STARD13: variants seen among roughly 807,000 people sequenced by gnomAD.
STARD13 encodes the protein StAR related lipid transfer domain containing 13.
A neutral mutation model predicts 106.4 loss-of-function variants in STARD13; 62 were observed. That is an observed-to-expected ratio of 0.58 (90% CI 0.48 to 0.72). The LOEUF (loss-of-function observed/expected upper bound fraction) is 0.72, where lower values mean the gene tolerates loss of function less well. Among genes scored for constraint, STARD13 ranks in the 30% least tolerant of loss-of-function variants. STARD13 has a pLI of 0.00. For synonymous variants in STARD13, 565 were observed against 553.0 expected (o/e 1.02, Z -0.31); for missense variants, 1,387 against 1,424.0 (o/e 0.97, Z 0.42).
chr13:33,200,117 G>A lies in STARD13; in HGVS notation c.170-32495C>T, dbSNP rs540051583. On this transcript the variant is annotated intron_variant, in intron 1 of 13. Transcript: ENST00000336934. ...AGTGCAGAATAAACAGGTCTTTGGG[G>A]AGGCCCCACAGAGGCTGAAGGTAAC... Among the ~76,000 whole-genome samples the A allele has an allele frequency of 1.8e-4, 27 of 152,352 alleles. 1 individual carries two copies. The highest frequency in any genetic ancestry group is 1.6e-3 in the Admixed American group (24 of 15,310).
the STARD13 span, among the ~76,000 whole-genome samples, chr13:33,442,456 A>G: frequency 6.6e-6 from 1 of 152,216 alleles, no homozygotes; most frequent in Admixed American, 6.5e-5. Flanking sequence ...TCCAGAGAGA[A>G]TATTTGACAA....
chr13:33,300,974 G>A (rs4943093), intron 1 of STARD13, among the ~76,000 whole-genome samples: 148,620 of 152,256 alleles, frequency 0.98, 72,637 homozygotes, highest in East Asian at 1. Flanking sequence ...ACTGCTCAAC[G>A]CTCATTTCCT....
At chr13:33,490,683 C>T in the STARD13 span, among the ~76,000 whole-genome samples, 1 of 152,200 alleles carries the variant, frequency 6.6e-6, no homozygotes, top group African/African-American at 2.4e-5. Flanking sequence ...TCAATAAAAC[C>T]TCACATTCAT....
the STARD13 span, among the ~76,000 whole-genome samples, chr13:33,569,880 C>T: frequency 6.8e-6 from 1 of 147,156 alleles, no homozygotes; most frequent in Admixed American, 7.1e-5. Context: ...CCAGCAAAGG[C>T]ATGAGAATGA....
At chr13:33,341,591 CAAAAA>C (rs543220774) in intron 1 of STARD13, among the ~76,000 whole-genome samples, 1 of 76,930 alleles carries the variant, frequency 1.3e-5, no homozygotes. Flanking sequence ...ACTCCGTCTC[CAAAAA>C]AAAAAAAAAA....
chr13:33,287,082 C>A (rs1463325843), upstream of STARD13, among the ~76,000 whole-genome samples: 11 of 152,114 alleles, frequency 7.2e-5, no homozygotes, highest in Admixed American at 7.2e-4. Flanking sequence ...AGTATATGAC[C>A]AAGTTGCTTC....
the STARD13 span, among the ~76,000 whole-genome samples, chr13:33,670,752 T>C: frequency 6.6e-6 from 1 of 152,288 alleles, no homozygotes; most frequent in Admixed American, 6.5e-5. Flanking sequence ...CTCCCCCGAG[T>C]TGCTTATAAG....
chr13:33,443,174 G>A, the STARD13 span, among the ~76,000 whole-genome samples: 1 of 151,828 alleles, frequency 6.6e-6, no homozygotes, highest in African/African-American at 2.4e-5. Flanking sequence ...GTCAGGAGAT[G>A]AGACCATCCT....
chr13:33,609,564 T>G, the STARD13 span, among the ~76,000 whole-genome samples: 2 of 151,212 alleles, frequency 1.3e-5, no homozygotes, highest in South Asian at 4.1e-4. Flanking sequence ...CTAATTTCTT[T>G]CTTTCTTTTT....
At chr13:33,465,522 T>A in the STARD13 span, among the ~76,000 whole-genome samples, 2 of 152,120 alleles carry the variant, frequency 1.3e-5, no homozygotes, top group African/African-American at 4.8e-5. Context: ...TCCGCTTTTG[T>A]ATTTCTATCA....
chr13:33,216,878 G>A (rs1888076117), intron 1 of STARD13, among the ~76,000 whole-genome samples: 1 of 152,284 alleles, frequency 6.6e-6, no homozygotes, highest in East Asian at 1.9e-4. Context: ...CCAACCTGGA[G>A]TTTCACTTCT....
the STARD13 span, among the ~76,000 whole-genome samples, chr13:33,516,293 T>C: frequency 6.6e-6 from 1 of 150,434 alleles, no homozygotes. Flanking sequence ...ATTTCATATA[T>C]AGTTGGAGTA....
chr13:33,627,053 T>G, the STARD13 span, among the ~76,000 whole-genome samples: 1 of 152,242 alleles, frequency 6.6e-6, no homozygotes, highest in Non-Finnish European at 1.5e-5. Flanking sequence ...ATTGTTCCCT[T>G]TATCATTTTC....
At chr13:33,272,457 G>A (rs1891211340) in intron 1 of STARD13, 1 of 152,094 alleles carries the variant, frequency 6.6e-6, no homozygotes, top group Non-Finnish European at 1.5e-5. Flanking sequence ...ATATTGTGGT[G>A]AGAAATATAA....
chr13:33,275,108 C>T (rs955713622), intron 1 of STARD13, among the ~76,000 whole-genome samples: 1 of 152,090 alleles, frequency 6.6e-6, no homozygotes, highest in African/African-American at 2.4e-5. Context: ...CATTTCAGGC[C>T]AGTTCAGGGC....
chr13:33,165,542 T>C, intron 2 of STARD13, 124 bp from the exon 3 acceptor site: 1 of 729,852 alleles, frequency 1.4e-6, no homozygotes, highest in Non-Finnish European at 2.3e-6. Flanking sequence ...ATCATCATTG[T>C]TGGGAATGTT....
intron 1 of STARD13, among the ~76,000 whole-genome samples, chr13:33,300,721 G>T (rs1892676754): frequency 6.6e-6 from 1 of 152,178 alleles, no homozygotes; most frequent in Non-Finnish European, 1.5e-5. Context: ...AGATTTAAAA[G>T]TTATAAATAT....
chr13:33,538,721 A>C, the STARD13 span, among the ~76,000 whole-genome samples: 1 of 152,098 alleles, frequency 6.6e-6, no homozygotes, highest in African/African-American at 2.4e-5. Flanking sequence ...TAATGGAAAC[A>C]AGATCCACAG....
the STARD13 span, among the ~76,000 whole-genome samples, chr13:33,396,962 T>G: frequency 2.0e-5 from 3 of 152,088 alleles, no homozygotes; most frequent in African/African-American, 7.2e-5. Flanking sequence ...CATATTAAAT[T>G]GAGAAGACAG....
Sources: gnomAD v4.1 joint callset for allele counts (sites outside exome capture counted in the v4.1 genomes callset) on GRCh38, gnomAD v4.1.1 for gene constraint, MANE v1.5 for transcripts, NCBI Gene and HGNC (gene_info 2026-07-23, HGNC 2026-07-21) for gene names.